Variants in PLIN3 observed in about 807,000 individuals in gnomAD.
PLIN3 encodes perilipin-3.
In PLIN3, 30 loss-of-function variants were observed where a neutral mutation model predicts 35.9. That is an observed-to-expected ratio of 0.84 (90% confidence interval 0.62 to 1.13). The LOEUF is 1.13. Among genes scored for constraint, PLIN3 ranks in the 50% most tolerant of loss-of-function variants. The probability of loss-of-function intolerance (pLI) is 0.00; values close to 1 mark genes in which losing one functional copy is unlikely to be tolerated. For synonymous variants in PLIN3, 261 were observed against 262.5 expected (o/e 0.99, Z 0.06); for missense variants, 603 against 596.9 (o/e 1.01, Z -0.11).
At chr19:4,864,154 TTTG>T (rs1369742415) in intron 1 of PLIN3, among the ~76,000 whole-genome samples, 2 of 139,374 alleles carry the variant, frequency 1.4e-5, no homozygotes, top group African/African-American at 5.3e-5. Context: ...TGTGTGTGGT[TTTG>T]TTTTTTTTTT....
In PLIN3 at chr19:4,859,901, C is replaced by G; in HGVS notation, c.190G>C (p.Glu64Gln). 1 of 1,613,968 alleles carries G rather than the reference C, an allele frequency of 6.2e-7. No homozygotes were observed. The change falls in exon 3 of 8, where the codon GAG (glutamate) becomes CAG (glutamine). Residue 64 changes from glutamate (E) to glutamine (Q), a missense_variant. By Grantham distance (29) the Glu-to-Gln change is conservative (BLOSUM62 2). Transcript: ENST00000221957. ...GCCGTGAGGGTCCTCACTCCCTTCT[C>G]TGCTGCGTCGCAGACAGTCTTGATG... ...PHIKTVCDAA[E>Q]KGVRTLTAAA...
chr19:4,843,543 G>A (rs1001807647), intron 7 of PLIN3, among the ~76,000 whole-genome samples: 4 of 70,892 alleles, frequency 5.6e-5, no homozygotes, highest in African/African-American at 1.7e-4. Context: ...ATAAATAATT[G>A]ATCTGGGGTC....
intron 5 of PLIN3, among the ~76,000 whole-genome samples, 176 bp downstream of exon 5, chr19:4,851,840 G>A (rs1479909910): frequency 3.3e-5 from 5 of 152,190 alleles, no homozygotes; most frequent in East Asian, 3.9e-4. Context: ...GATGAGGGCG[G>A]GAGCTGGTGA....
At chr19:4,865,290 A>G (rs2030811224) in intron 1 of PLIN3, among the ~76,000 whole-genome samples, 1 of 151,942 alleles carries the variant, frequency 6.6e-6, no homozygotes. Flanking sequence ...GGAGTTTGAG[A>G]CCAGCCTGAC....
At chr19:4,840,124 C>T (rs1420890484) in intron 7 of PLIN3, among the ~76,000 whole-genome samples, 2 of 151,958 alleles carry the variant, frequency 1.3e-5, no homozygotes, top group Non-Finnish European at 2.9e-5. Context: ...CGTGCCACCA[C>T]GCCCGTCTAA....
intron 6 of PLIN3, among the ~76,000 whole-genome samples, chr19:4,845,323 G>A (rs1221551830): frequency 6.6e-6 from 1 of 152,160 alleles, no homozygotes; most frequent in Non-Finnish European, 1.5e-5. Context: ...CTACTCAGGA[G>A]GCTGAGGCAC....
At chr19:4,861,711 C>T (rs2030682251) in intron 1 of PLIN3, among the ~76,000 whole-genome samples, 1 of 151,936 alleles carries the variant, frequency 6.6e-6, no homozygotes, top group Non-Finnish European at 1.5e-5. Flanking sequence ...CCTGGGCTCA[C>T]TGCAACCTCC....
In PLIN3 at chr19:4,867,638, T is replaced by A. The variant is rs262560; in HGVS notation, c.-47A>T. On this transcript the variant is annotated 5_prime_UTR_variant, in exon 1 of 8. Transcript: ENST00000221957. ...GTCAACCGGACGTCCCAGGAACAGC[T>A]GCCGCGACTTCAAAACCAGCTTGGA... is the stretch of plus-strand genomic sequence containing the variant. The A allele has an allele frequency of 6.6e-6, 1 of 152,126 alleles. No homozygotes were observed. Among genetic ancestry groups the A allele is most frequent in the African/African-American group, 2.4e-5 (1 of 41,416 alleles). 9.4% of individuals were successfully genotyped at this position (152,126 alleles called of 1,614,324 possible). A position where few individuals can be genotyped will look rare whatever the true frequency, so the allele number is the denominator to read the frequency against.
intron 7 of PLIN3, among the ~76,000 whole-genome samples, chr19:4,842,464 G>A (rs992350633): frequency 6.6e-6 from 1 of 151,710 alleles, no homozygotes; most frequent in Non-Finnish European, 1.5e-5. Flanking sequence ...GCTGGGCGTG[G>A]TGGCAGGTGC....
intron 5 of PLIN3, among the ~76,000 whole-genome samples, chr19:4,851,310 C>A (rs2030282443): frequency 6.6e-6 from 1 of 151,914 alleles, no homozygotes; most frequent in South Asian, 2.1e-4. Flanking sequence ...ACTAAAAATA[C>A]AAAAAATTAG....
intron 1 of PLIN3, among the ~76,000 whole-genome samples, chr19:4,862,303 TG>T (rs2030703242): frequency 6.6e-6 from 1 of 151,956 alleles, no homozygotes; most frequent in South Asian, 2.1e-4. Context: ...GCCAATTTTT[TG>T]TATTTTTTTA....
chr19:4,866,711 T>TAGGC (rs1019755688), intron 1 of PLIN3: 1 of 152,270 alleles, frequency 6.6e-6, no homozygotes, highest in African/African-American at 2.4e-5. Flanking sequence ...GGGGGCCAGG[T>TAGGC]AGGCAGGCAT....
chr19:4,844,364 G>A lies in PLIN3; in HGVS notation c.960+304C>T, dbSNP rs2030012114. On this transcript the variant is annotated intron_variant, in intron 7 of 7. Coordinates refer to ENST00000221957, the MANE Select transcript of PLIN3 (RefSeq NM_005817.5). ...GCCTGTAATCCCAGCTACTAGGGAG[G>A]CTGAGGCAGGAGAATCACTCGAACC... 3.9e-5 allele frequency among the ~76,000 whole-genome samples: 6 copies of A among 152,116 alleles called. No individual in the cohort carries two copies. The South Asian group carries it at 8.3e-4, about 21-fold the overall frequency.
chr19:4,847,134 C>A (rs959876161), intron 6 of PLIN3, among the ~76,000 whole-genome samples: 1 of 151,722 alleles, frequency 6.6e-6, no homozygotes, highest in African/African-American at 2.4e-5. Context: ...GTGATCCACC[C>A]GCCTCAGCCT....
chr19:4,852,410 G>A (rs549260721), intron 4 of PLIN3, 109 bp from the exon 5 acceptor site: 8 of 1,332,668 alleles, frequency 6.0e-6, no homozygotes, highest in Middle Eastern at 2.0e-4. Context: ...CATCCCCCGG[G>A]TGACCCCAGC....
intron 5 of PLIN3, 78 bp downstream of exon 5, chr19:4,851,938 G>A: frequency 6.9e-7 from 1 of 1,454,048 alleles, no homozygotes; most frequent in South Asian, 1.3e-5. Flanking sequence ...TGTCGGCACA[G>A]ACCCCAGGAG....
intron 4 of PLIN3, among the ~76,000 whole-genome samples, chr19:4,858,384 T>G (rs2030543511): frequency 6.6e-6 from 1 of 151,414 alleles, no homozygotes; most frequent in South Asian, 2.1e-4. Context: ...TTTTTTTTGT[T>G]TTGTTGTTTT....
At chr19:4,858,770 C>T (rs1243914033) in intron 4 of PLIN3, among the ~76,000 whole-genome samples, 5 of 138,236 alleles carry the variant, frequency 3.6e-5, no homozygotes, top group Non-Finnish European at 7.6e-5. Context: ...GGCATGATCT[C>T]GGATCACTGC....
chr19:4,860,637 C>T (rs2030643905), intron 2 of PLIN3, among the ~76,000 whole-genome samples: 2 of 152,124 alleles, frequency 1.3e-5, no homozygotes, highest in Admixed American at 1.3e-4. Flanking sequence ...GACCACAGCC[C>T]ATGGGTCACA....
Sources: allele counts gnomAD v4.1 joint callset (sites outside exome capture counted in the v4.1 genomes callset), GRCh38; gene constraint gnomAD v4.1.1; transcripts MANE v1.5; gene names NCBI Gene and HGNC (gene_info 2026-07-23, HGNC 2026-07-21).